RAB8B: variants seen among roughly 807,000 people sequenced by gnomAD.
RAB8B encodes RAB8B, member RAS oncogene family, also known as ras-related protein Rab-8B.
RAB8B carries 11 observed loss-of-function variants against 32.0 expected under a neutral mutation model. The ratio of observed to expected loss-of-function variants is 0.34; its 90% CI spans 0.22 to 0.57. The LOEUF is 0.57. RAB8B is among the 20% of genes least tolerant of loss of function. The pLI is 0.86. For synonymous variants in RAB8B, 103 were observed against 89.6 expected (o/e 1.15, Z -0.85); for missense variants, 190 against 258.5 (o/e 0.73, Z 1.82).
At position 63,266,311 on chromosome 15, in the gene RAB8B, A is replaced by G. The variant is rs2038247612; in HGVS notation, c.*2692A>G. 6.6e-6 allele frequency: 1 copy of G among 152,588 alleles called. No individual in the cohort carries two copies. Among genetic ancestry groups the G allele is most frequent in the East Asian group, 1.9e-4 (1 of 5,204 alleles). The allele number at this position is 152,588 out of a possible 1,614,324, so 9.5% of individuals were successfully genotyped here. A position where few individuals can be genotyped will look rare whatever the true frequency, so the allele number is the denominator to read the frequency against. The stretch of plus-strand genomic sequence containing the variant: ...GTATCAGACAGTGAAAATGTGCTGT[A>G]ACTAAGTAGCATGTAAATCAGTTGA... On this transcript the variant is annotated 3_prime_UTR_variant, in exon 8 of 8. Transcript: ENST00000321437.
intron 1 of RAB8B, chr15:63,223,029 T>C (rs1332333772): frequency 2.2e-6 from 1 of 455,986 alleles, no homozygotes; most frequent in African/African-American, 2.0e-5. Flanking sequence ...CACTCTCTCA[T>C]TGATTCCTTC....
rs145227842 is a variant in RAB8B, at chr15:63,194,563, C to A, written c.124+4815C>A. On this transcript the variant is annotated intron_variant, in intron 1 of 7. Transcript: ENST00000321437. The stretch of plus-strand genomic sequence containing the variant: ...TGTCTATAGTTTCACATTAGGAGAT[C>A]AAAGTGTATCCTATCATTAAAATTT... Among the ~76,000 whole-genome samples, 4 of 152,320 alleles carry A rather than the reference C, an allele frequency of 2.6e-5. No homozygotes were observed. In the East Asian group the frequency reaches 7.7e-4, roughly 29 times the overall value.
At chr15:63,202,111 A>T (rs1038530904) in intron 1 of RAB8B, among the ~76,000 whole-genome samples, 1 of 147,210 alleles carries the variant, frequency 6.8e-6, no homozygotes, top group Non-Finnish European at 1.5e-5. Flanking sequence ...AAAAAAAAAA[A>T]AAAAAAAATA....
At chr15:63,214,389 T>C (rs886551338) in intron 1 of RAB8B, among the ~76,000 whole-genome samples, 1 of 150,362 alleles carries the variant, frequency 6.7e-6, no homozygotes, top group Non-Finnish European at 1.5e-5. Flanking sequence ...CCTCCCAGGT[T>C]GCAGCGATTC....
At chr15:63,250,016 G>A (rs1162438959) in intron 3 of RAB8B, among the ~76,000 whole-genome samples, 2 of 152,018 alleles carry the variant, frequency 1.3e-5, no homozygotes, top group East Asian at 3.9e-4. Flanking sequence ...GGCGCCTGTA[G>A]TCCCAGCTAC....
At chr15:63,219,174 T>C (rs562899791) in intron 1 of RAB8B, among the ~76,000 whole-genome samples, 1 of 151,804 alleles carries the variant, frequency 6.6e-6, no homozygotes, top group Non-Finnish European at 1.5e-5. Flanking sequence ...GGCACGCGCC[T>C]GTAGTCCCAG....
chr15:63,233,055 C>CTTTTCTT (rs2037948696), intron 1 of RAB8B, among the ~76,000 whole-genome samples: 1 of 141,516 alleles, frequency 7.1e-6, no homozygotes, highest in Non-Finnish European at 1.5e-5. Context: ...AAGTAGCATT[C>CTTTTCTT]TTTTTTTTTT....
chr15:63,260,094 A>G (rs1287515532), intron 6 of RAB8B, among the ~76,000 whole-genome samples: 2 of 152,250 alleles, frequency 1.3e-5, no homozygotes, highest in East Asian at 3.9e-4. Context: ...TGGCCTCCCA[A>G]AGTGCTGGAA....
Position 63,262,805 on chromosome 15 carries a change from T to A in RAB8B, c.531+63T>A, listed in dbSNP as rs560448756. 1.0e-4 allele frequency: 77 copies of A among 765,942 alleles called. No individual in the cohort carries two copies. The African/African-American group carries it at 1.3e-3, about 13-fold the overall frequency. 47.4% of individuals were successfully genotyped at this position (765,942 alleles called of 1,614,324 possible). ...TCTGTTTGGCATTTGATGAAAAGGATAGGTCTAATTATAAGATACTCAAAT... is the reference window on the plus strand; with the variant it reads ...TCTGTTTGGCATTTGATGAAAAGGAAAGGTCTAATTATAAGATACTCAAAT... On this transcript the variant is annotated intron_variant, in intron 7 of 7. Coordinates refer to ENST00000321437, the MANE Select transcript of RAB8B (RefSeq NM_016530.3).
intron 1 of RAB8B, among the ~76,000 whole-genome samples, chr15:63,239,092 T>C (rs1311127883): frequency 1.3e-5 from 2 of 152,140 alleles, no homozygotes; most frequent in African/African-American, 4.8e-5. Flanking sequence ...GAGCCCTAGA[T>C]TGAGCCATCT....
In RAB8B at chr15:63,256,485, A is replaced by G. The variant is rs1359856065; in HGVS notation, c.325-20A>G. On this transcript the variant is annotated intron_variant, in intron 4 of 7. Coordinates refer to ENST00000321437, the MANE Select transcript of RAB8B (RefSeq NM_016530.3). ...GTTTTTCTCAGGCTGTTTTTATAGC[A>G]TGCTATTTTCTCCCTGCAGCATGCC... is the stretch of plus-strand genomic sequence containing the variant. 1.9e-6 allele frequency: 3 copies of G among 1,563,920 alleles called. No homozygotes were observed. The highest frequency in any genetic ancestry group is 1.4e-5 in the African/African-American group (1 of 72,208).
intron 2 of RAB8B, among the ~76,000 whole-genome samples, chr15:63,246,549 G>A (rs1333385617): frequency 6.6e-6 from 1 of 152,186 alleles, no homozygotes; most frequent in Non-Finnish European, 1.5e-5. Context: ...CATGTGGGAA[G>A]GAGTGAGGAA....
At chr15:63,232,403 A>G (rs1049513991) in intron 1 of RAB8B, among the ~76,000 whole-genome samples, 3 of 152,228 alleles carry the variant, frequency 2.0e-5, no homozygotes, top group African/African-American at 7.2e-5. Flanking sequence ...TCAAAGAGAA[A>G]TTAGTAAATT....
intron 1 of RAB8B, among the ~76,000 whole-genome samples, chr15:63,221,232 G>A (rs960305008): frequency 2.0e-5 from 3 of 152,118 alleles, no homozygotes; most frequent in Non-Finnish European, 4.4e-5. Flanking sequence ...AAATAATGTT[G>A]GATATGTTGG....
At chr15:63,231,159 C>T (rs374851093) in intron 1 of RAB8B, among the ~76,000 whole-genome samples, 6 of 152,274 alleles carry the variant, frequency 3.9e-5, no homozygotes, top group East Asian at 1.9e-4. Flanking sequence ...TTATCTGATA[C>T]ATTACATGGA....
intron 1 of RAB8B, among the ~76,000 whole-genome samples, chr15:63,195,335 T>C (rs1164210711): frequency 1.3e-5 from 2 of 152,186 alleles, no homozygotes; most frequent in Non-Finnish European, 2.9e-5. Context: ...AAAAAAGCCT[T>C]CCTACATATA....
intron 1 of RAB8B, among the ~76,000 whole-genome samples, chr15:63,230,992 C>G (rs1411913749): frequency 6.6e-6 from 1 of 152,208 alleles, no homozygotes; most frequent in African/African-American, 2.4e-5. Context: ...CCTCCCCTCT[C>G]TACTAAAATG....
chr15:63,243,555 G>A (rs2038048828), intron 1 of RAB8B, among the ~76,000 whole-genome samples: 1 of 152,124 alleles, frequency 6.6e-6, no homozygotes, highest in Non-Finnish European at 1.5e-5. Flanking sequence ...AACTTTTGAA[G>A]TGCCCGAGGC....
At position 63,259,674 on chromosome 15, in the gene RAB8B, C is replaced by A; in HGVS notation, c.462C>A (p.Ser154=). The change falls in exon 6 of 8, where the codon TCC becomes TCA. Residue 154 remains serine (S), a synonymous_variant. Coordinates refer to ENST00000321437, the MANE Select transcript of RAB8B (RefSeq NM_016530.3). The surrounding 1 kb of genome is among the most constrained non-coding windows in gnomAD (Gnocchi z 4.4). Reference sequence around the variant, plus strand: ...AATTCTTGGAGACAAGCGCAAAATCCAGTGCAAATGTAGAAGAGGTAAGAA... The same window carrying A: ...AATTCTTGGAGACAAGCGCAAAATCAAGTGCAAATGTAGAAGAGGTAAGAA... ...GIKFLETSAK[S]SANVEEAFFT... The A allele has an allele frequency of 6.2e-7, 1 of 1,613,914 alleles. No homozygotes were observed. Among genetic ancestry groups the A allele is most frequent in the South Asian group, 1.1e-5 (1 of 91,072 alleles).
Sources: gnomAD v4.1 joint callset for allele counts (sites outside exome capture counted in the v4.1 genomes callset) on GRCh38, gnomAD v4.1.1 for gene constraint, Gnocchi (gnomAD v3.1) non-coding constraint, MANE v1.5 for transcripts, NCBI Gene and HGNC (gene_info 2026-07-23, HGNC 2026-07-21) for gene names.